Variants in RPH3A observed in about 807,000 individuals in gnomAD.
RPH3A encodes rabphilin-3A.
In RPH3A, 48 loss-of-function variants were observed where a neutral mutation model predicts 102.2. The observed-to-expected ratio is 0.47, with a 90% confidence interval of 0.37 to 0.60. The LOEUF (loss-of-function observed/expected upper bound fraction) is 0.60, where lower values mean the gene tolerates loss of function less well. RPH3A is among the 20% of genes least tolerant of loss of function. RPH3A has a pLI of 0.00. For synonymous variants in RPH3A, 310 were observed against 324.3 expected (o/e 0.96, Z 0.47); for missense variants, 781 against 910.1 (o/e 0.86, Z 1.83).
At chr12:112,859,754 C>T (rs1469766893) in intron 5 of RPH3A, among the ~76,000 whole-genome samples, 3 of 152,158 alleles carry the variant, frequency 2.0e-5, no homozygotes, top group East Asian at 1.9e-4. Context: ...AACAGGGAGC[C>T]GCTTTAAAAT....
intron 1 of RPH3A, among the ~76,000 whole-genome samples, chr12:112,698,280 G>T (rs923390565): frequency 2.6e-5 from 4 of 152,100 alleles, no homozygotes; most frequent in African/African-American, 9.7e-5. Context: ...AAACCTAAAT[G>T]TAAAACCTAA....
intron 2 of RPH3A, among the ~76,000 whole-genome samples, chr12:112,793,881 C>A (rs960788845): frequency 1.3e-5 from 2 of 152,004 alleles, no homozygotes. Context: ...TCTTAGGGGG[C>A]TATCAAGAGA....
intron 7 of RPH3A, 30 bp downstream of exon 7, chr12:112,866,870 G>C (rs544620643): frequency 6.4e-7 from 1 of 1,565,502 alleles, no homozygotes; most frequent in East Asian, 2.3e-5. Context: ...CTGGTGCCTA[G>C]ATCACCCTCC....
At chr12:112,865,326 A>T in intron 5 of RPH3A, 88 bp from the exon 6 acceptor site, 1 of 1,462,306 alleles carries the variant, frequency 6.8e-7, no homozygotes, top group South Asian at 1.3e-5. Context: ...TGACTCAAAG[A>T]AGGTGAAGAC....
intron 4 of RPH3A, among the ~76,000 whole-genome samples, chr12:112,842,720 C>A (rs558740034): frequency 5.9e-5 from 9 of 152,316 alleles, no homozygotes; most frequent in African/African-American, 2.2e-4. Context: ...TTGCAAAGTT[C>A]CTGGTGCAAT....
At chr12:112,727,002 G>A (rs1335593430) in intron 1 of RPH3A, among the ~76,000 whole-genome samples, 3 of 151,936 alleles carry the variant, frequency 2.0e-5, no homozygotes, top group South Asian at 2.1e-4. Context: ...AAGCTGGGGC[G>A]ACAGAGCCAG....
chr12:112,750,256 T>C (rs1277379021), intron 1 of RPH3A, among the ~76,000 whole-genome samples: 1 of 152,152 alleles, frequency 6.6e-6, no homozygotes, highest in Non-Finnish European at 1.5e-5. Context: ...TCCTACGAAA[T>C]AGACCCCCAA....
chr12:112,865,380 A>G (rs1227261035), intron 5 of RPH3A, 34 bp from the exon 6 acceptor site: 2 of 1,609,894 alleles, frequency 1.2e-6, no homozygotes, highest in Admixed American at 3.3e-5. Context: ...CCCCAGTCCT[A>G]CAAGGTCCTT....
chr12:112,726,022 C>G (rs999617133), intron 1 of RPH3A, among the ~76,000 whole-genome samples: 6 of 152,096 alleles, frequency 3.9e-5, no homozygotes, highest in South Asian at 4.1e-4. Flanking sequence ...GTCTCGATCT[C>G]CTGACCTCGT....
chr12:112,652,922 A>G (rs1011345099), intron 1 of RPH3A, among the ~76,000 whole-genome samples: 1 of 152,134 alleles, frequency 6.6e-6, no homozygotes, highest in African/African-American at 2.4e-5. Flanking sequence ...ACATCAACCT[A>G]GATGGTATAG....
intron 1 of RPH3A, among the ~76,000 whole-genome samples, chr12:112,674,854 G>T (rs756206150): frequency 1.3e-5 from 2 of 151,974 alleles, no homozygotes. Flanking sequence ...GTTTATTTGG[G>T]GGAAAAAAAT....
intron 1 of RPH3A, among the ~76,000 whole-genome samples, chr12:112,711,643 G>A (rs59754323): frequency 2.0e-5 from 3 of 152,104 alleles, no homozygotes; most frequent in African/African-American, 4.8e-5. Flanking sequence ...CAATGGCCAC[G>A]AATTTGCTTC....
chr12:112,761,589 C>G, intron 1 of RPH3A, among the ~76,000 whole-genome samples: 1 of 152,222 alleles, frequency 6.6e-6, no homozygotes, highest in East Asian at 1.9e-4. Flanking sequence ...AGAGGCGGGG[C>G]TCCTGGCAGC....
chr12:112,733,839 C>A (rs2040650449), intron 1 of RPH3A, among the ~76,000 whole-genome samples: 1 of 152,156 alleles, frequency 6.6e-6, no homozygotes, highest in South Asian at 2.1e-4. Context: ...TTTCCTTCTA[C>A]CTTTTCCTCA....
rs115660638 is a variant in RPH3A, at chr12:112,765,352, C to G, written c.-139-26791C>G. Among the ~76,000 whole-genome samples the G allele has an allele frequency of 9.6e-3, 1,453 of 151,994 alleles. 29 individuals carry two copies. The highest frequency in any genetic ancestry group is 0.034 in the African/African-American group (1,397 of 41,448). Reference sequence around the variant, plus strand: ...AAGGCAGGCTGCCTAAATTTTGGCTCTGACAAGTTACAAGAGACTTGTGAG... The same window carrying G: ...AAGGCAGGCTGCCTAAATTTTGGCTGTGACAAGTTACAAGAGACTTGTGAG... On this transcript the variant is annotated intron_variant, in intron 1 of 21. Coordinates refer to the RPH3A transcript ENST00000543106.
At chr12:112,885,682 C>T (rs1400508064) in intron 16 of RPH3A, among the ~76,000 whole-genome samples, 3 of 151,978 alleles carry the variant, frequency 2.0e-5, no homozygotes, top group Admixed American at 1.3e-4. Context: ...GTGTAATAAT[C>T]GCATCATGAG....
chr12:112,733,312 T>G (rs1422545515), intron 1 of RPH3A, among the ~76,000 whole-genome samples: 1 of 152,186 alleles, frequency 6.6e-6, no homozygotes, highest in Non-Finnish European at 1.5e-5. Flanking sequence ...CGCACATATC[T>G]GCACACACAT....
intron 1 of RPH3A, among the ~76,000 whole-genome samples, chr12:112,676,997 G>T (rs1947223738): frequency 6.6e-6 from 1 of 152,150 alleles, no homozygotes; most frequent in Non-Finnish European, 1.5e-5. Context: ...GAGGTTCTCC[G>T]GTTCAGGAAT....
chr12:112,731,188 G>GGTGT (rs3839972), intron 1 of RPH3A, among the ~76,000 whole-genome samples: 3,265 of 149,806 alleles, frequency 0.022, 54 homozygotes, highest in Non-Finnish European at 0.027. Context: ...TTCATTTGAT[G>GGTGT]GTGTGTGTGT....
Sources: allele counts gnomAD v4.1 joint callset (sites outside exome capture counted in the v4.1 genomes callset), GRCh38; gene constraint gnomAD v4.1.1; transcripts MANE v1.5; gene names NCBI Gene and HGNC (gene_info 2026-07-23, HGNC 2026-07-21).